The following EYA3 variants were observed in gnomAD, a reference collection of about 807,000 sequenced individuals.
The protein encoded by EYA3 is EYA transcriptional coactivator and phosphatase 3, also known as protein phosphatase EYA3.
Under a neutral mutation model 80.0 loss-of-function variants are expected in EYA3, and 39 were observed. That is an observed-to-expected ratio of 0.49 (90% confidence interval 0.38 to 0.64). The LOEUF (loss-of-function observed/expected upper bound fraction) is 0.64. Among genes scored for constraint, EYA3 ranks in the 30% least tolerant of loss-of-function variants. The probability of loss-of-function intolerance (pLI) is 0.00; values close to 1 mark genes in which losing one functional copy is unlikely to be tolerated. For synonymous variants in EYA3, 206 were observed against 232.8 expected (o/e 0.88, Z 1.05); for missense variants, 523 against 676.1 (o/e 0.77, Z 2.51).
At chr1:27,982,713 G>A (rs1639392408) in intron 16 of EYA3, among the ~76,000 whole-genome samples, 1 of 151,890 alleles carries the variant, frequency 6.6e-6, no homozygotes, top group Non-Finnish European at 1.5e-5. Flanking sequence ...AGGCCCCCGA[G>A]GAGCTGGGAT....
chr1:27,984,430 C>T (rs1205013727), intron 16 of EYA3, among the ~76,000 whole-genome samples: 2 of 151,926 alleles, frequency 1.3e-5, no homozygotes, highest in Non-Finnish European at 2.9e-5. Flanking sequence ...AAAAGAGGCC[C>T]ATCCTCACCT....
chr1:28,037,938 T>C (rs1274708357), intron 5 of EYA3, among the ~76,000 whole-genome samples: 3 of 152,190 alleles, frequency 2.0e-5, no homozygotes, highest in African/African-American at 7.2e-5. Context: ...GTATGTGTCT[T>C]TGTATGCATA....
At chr1:28,027,312 G>T (rs1444912272) in intron 7 of EYA3, among the ~76,000 whole-genome samples, 1 of 152,178 alleles carries the variant, frequency 6.6e-6, no homozygotes, top group Non-Finnish European at 1.5e-5. Context: ...TCCTGAAAGA[G>T]AAATAAGAAT....
intron 11 of EYA3, among the ~76,000 whole-genome samples, chr1:28,001,555 T>C (rs1640846133): frequency 2.0e-5 from 3 of 149,502 alleles, no homozygotes; most frequent in African/African-American, 7.4e-5. Context: ...AAGACCATCC[T>C]GGCTAACGTG....
intron 3 of EYA3, among the ~76,000 whole-genome samples, chr1:28,047,306 T>C (rs1333318276): frequency 6.6e-6 from 1 of 152,150 alleles, no homozygotes; most frequent in African/African-American, 2.4e-5. Flanking sequence ...CTAATTTTTG[T>C]GTTTTTAGTA....
intron 2 of EYA3, among the ~76,000 whole-genome samples, chr1:28,055,178 A>G (rs1644393115): frequency 6.6e-6 from 1 of 152,164 alleles, no homozygotes; most frequent in African/African-American, 2.4e-5. Context: ...AAGGGTGATG[A>G]TGTTACTTCT....
At chr1:28,055,491 G>C (rs1355509638) in intron 2 of EYA3, among the ~76,000 whole-genome samples, 1 of 124,676 alleles carries the variant, frequency 8.0e-6, no homozygotes, top group Non-Finnish European at 1.6e-5. Flanking sequence ...TTTTGAGACA[G>C]AGTCTCACCC....
At chr1:28,029,922 C>T (rs140850148) in intron 6 of EYA3, among the ~76,000 whole-genome samples, 3 of 152,174 alleles carry the variant, frequency 2.0e-5, no homozygotes, top group African/African-American at 7.2e-5. Flanking sequence ...TGGTTGTTCA[C>T]TGTGTTCTGA....
chr1:28,014,084 A>G lies in EYA3; in HGVS notation c.586-790T>C, dbSNP rs375767953. ...TCTCAAAACAAAACAAACAAAAAAC[A>G]ACCTGATTATCTACCTAAAACAATC... is the stretch of plus-strand genomic sequence containing the variant. On this transcript the variant is annotated intron_variant, in intron 8 of 17. Coordinates refer to ENST00000373871, the MANE Select transcript of EYA3 (RefSeq NM_001990.4). Among the ~76,000 whole-genome samples the G allele has an allele frequency of 1.0e-3, 156 of 152,196 alleles. 5 individuals carry two copies. In the South Asian group the frequency reaches 0.031, roughly 31 times the overall value.
At chr1:28,058,174 G>C (rs1644497853) in intron 1 of EYA3, 80 bp from the exon 2 acceptor site, 1 of 528,556 alleles carries the variant, frequency 1.9e-6, no homozygotes, top group Non-Finnish European at 3.2e-6. Flanking sequence ...TGATTTTTTA[G>C]TATCTTGCTA....
chr1:27,990,318 AG>A (rs1639958808), intron 14 of EYA3: 2 of 159,976 alleles, frequency 1.3e-5, no homozygotes, highest in Admixed American at 1.3e-4. Flanking sequence ...AATGCTATGA[AG>A]CCCAGGAAGC....
intron 9 of EYA3, 56 bp from the exon 10 acceptor site, chr1:28,011,142 G>T: frequency 1.3e-6 from 2 of 1,569,162 alleles, no homozygotes; most frequent in Non-Finnish European, 1.7e-6. Context: ...TAAGAATCAG[G>T]GCAGGAAGAG....
Position 27,974,421 on chromosome 1 carries a change from C to G in EYA3, c.*45G>C. On this transcript the variant is annotated 3_prime_UTR_variant, in exon 18 of 18. Coordinates refer to ENST00000373871, the MANE Select transcript of EYA3 (RefSeq NM_001990.4). Reference sequence around the variant, plus strand: ...GTTGGTTCCAGTCTCCAGCTCCCTTCAGGAGTGAAAAGGAGCTCAAGGGGA... The same window carrying G: ...GTTGGTTCCAGTCTCCAGCTCCCTTGAGGAGTGAAAAGGAGCTCAAGGGGA... 6.7e-7 allele frequency: 1 copy of G among 1,490,422 alleles called. No homozygotes were observed. The highest frequency in any genetic ancestry group is 9.3e-7 in the Non-Finnish European group (1 of 1,072,294). 92.3% of individuals were successfully genotyped at this position (1,490,422 alleles called of 1,614,324 possible). A position where few individuals can be genotyped will look rare whatever the true frequency, so the allele number is the denominator to read the frequency against.
At chr1:28,088,354 A>C (rs965193567) in intron 1 of EYA3, among the ~76,000 whole-genome samples, 170 bp downstream of exon 1, 2 of 152,162 alleles carry the variant, frequency 1.3e-5, no homozygotes, top group Non-Finnish European at 2.9e-5. Flanking sequence ...TGAGGTGAAT[A>C]AGGCGAGGCC....
chr1:27,998,171 G>T, intron 12 of EYA3: 2 of 268,966 alleles, frequency 7.4e-6, no homozygotes, highest in Non-Finnish European at 1.1e-5. Context: ...ATATTCTTGG[G>T]TCCATCCCAG....
At chr1:27,986,254 A>G (rs894818554) in intron 16 of EYA3, among the ~76,000 whole-genome samples, 1 of 151,868 alleles carries the variant, frequency 6.6e-6, no homozygotes, top group African/African-American at 2.4e-5. Flanking sequence ...AATCTCAGCT[A>G]CTTGGGACGC....
chr1:28,085,464 AAAAC>A (rs927902854), intron 1 of EYA3, among the ~76,000 whole-genome samples: 42 of 152,188 alleles, frequency 2.8e-4, no homozygotes, highest in Non-Finnish European at 3.4e-4. Flanking sequence ...TTGTCTCAAA[AAAAC>A]AAACAAACAA....
At chr1:28,003,256 C>T (rs916740362) in intron 11 of EYA3, among the ~76,000 whole-genome samples, 36 of 148,948 alleles carry the variant, frequency 2.4e-4, no homozygotes, top group Middle Eastern at 3.4e-3. Context: ...GGTGACACAG[C>T]GAGACTCCGT....
At chr1:28,037,336 C>T (rs1643513678) in intron 5 of EYA3, among the ~76,000 whole-genome samples, 1 of 152,186 alleles carries the variant, frequency 6.6e-6, no homozygotes, top group African/African-American at 2.4e-5. Context: ...TATGCAAATA[C>T]TTTCTGAATG....
Sources: allele counts gnomAD v4.1 joint callset (sites outside exome capture counted in the v4.1 genomes callset), GRCh38; gene constraint gnomAD v4.1.1; transcripts MANE v1.5; gene names NCBI Gene and HGNC (gene_info 2026-07-23, HGNC 2026-07-21).